PLAC1: variants seen among roughly 807,000 people sequenced by gnomAD.
The protein encoded by PLAC1 is placenta associated 1, also known as placenta-specific protein 1.
For missense variants in PLAC1, 136 were observed against 163.2 expected (o/e 0.83, Z 0.91); for synonymous variants, 68 against 62.1 (o/e 1.09, Z -0.44).
At chrX:134,568,479 G>A (rs370773614) in intron 2 of PLAC1, among the ~76,000 whole-genome samples, 27 of 112,052 alleles carry the variant, frequency 2.4e-4, no homozygotes, top group African/African-American at 8.1e-4. Context: ...TGATTGGTAC[G>A]GATTGGTCTC....
intron 2 of PLAC1, among the ~76,000 whole-genome samples, chrX:134,672,688 A>G (rs973629932): frequency 8.9e-6 from 1 of 112,741 alleles, no homozygotes; most frequent in African/African-American, 3.2e-5. Context: ...ATGTTACCCC[A>G]AAAGGGGGCT....
chrX:134,648,285 C>T (rs1208250939), intron 1 of PLAC1, among the ~76,000 whole-genome samples: 1 of 111,122 alleles, frequency 9.0e-6, no homozygotes, highest in East Asian at 2.8e-4. Context: ...GCCTGAGTGA[C>T]AAGAGGGGAC....
At chrX:134,604,869 G>C (rs1012273337) in intron 1 of PLAC1, among the ~76,000 whole-genome samples, 1 of 111,179 alleles carries the variant, frequency 9.0e-6, no homozygotes, top group Non-Finnish European at 1.9e-5. Flanking sequence ...AAAGGGTGTG[G>C]CTATCTTTCT....
chrX:134,616,403 G>A (rs928938404), intron 1 of PLAC1, among the ~76,000 whole-genome samples: 6 of 111,813 alleles, frequency 5.4e-5, no homozygotes, highest in African/African-American at 1.3e-4. Flanking sequence ...TTGGGAGGCC[G>A]AGGCAGGCAG....
At chrX:134,587,826 C>A (rs1196410669) in intron 2 of PLAC1, among the ~76,000 whole-genome samples, 1 of 112,008 alleles carries the variant, frequency 8.9e-6, no homozygotes, top group Non-Finnish European at 1.9e-5. Context: ...TAAGGTTGTT[C>A]ATAAGACCCA....
chrX:134,644,223 T>C (rs909209337), intron 1 of PLAC1, among the ~76,000 whole-genome samples: 6 of 111,304 alleles, frequency 5.4e-5, no homozygotes, highest in African/African-American at 2.0e-4. Context: ...AACAAAATTG[T>C]CAATATTTGC....
At chrX:134,620,198 C>T (rs17000666) in intron 1 of PLAC1, among the ~76,000 whole-genome samples, 16,266 of 112,190 alleles carry the variant, frequency 0.14, 2,871 homozygotes, top group African/African-American at 0.5. Flanking sequence ...TAAGTAGATA[C>T]TGGCTGACTT....
At chrX:134,656,495 C>T (rs73566663) in intron 1 of PLAC1, among the ~76,000 whole-genome samples, 1,577 of 112,055 alleles carry the variant, frequency 0.014, 28 homozygotes, top group African/African-American at 0.047. Context: ...AGCAGCACCC[C>T]CTCTCTGAAT....
chrX:134,598,761 G>C (rs1039442286), intron 2 of PLAC1, among the ~76,000 whole-genome samples: 1 of 111,584 alleles, frequency 9.0e-6, no homozygotes, highest in Non-Finnish European at 1.9e-5. Flanking sequence ...ACTGTTTGTG[G>C]GGGATGAAAT....
At chrX:134,702,379 A>C (rs1166080479) in intron 2 of PLAC1, among the ~76,000 whole-genome samples, 3 of 112,416 alleles carry the variant, frequency 2.7e-5, no homozygotes, top group African/African-American at 9.7e-5. Context: ...GATAAAGAAA[A>C]TGTGGTGCAT....
intron 1 of PLAC1, among the ~76,000 whole-genome samples, chrX:134,647,167 C>T (rs1350233244): frequency 9.0e-6 from 1 of 111,489 alleles, no homozygotes; most frequent in African/African-American, 3.3e-5. Flanking sequence ...GCCCTCTTGT[C>T]CCCCACAGCT....
intron 2 of PLAC1, among the ~76,000 whole-genome samples, chrX:134,566,984 C>A (rs1238613546): frequency 3.6e-5 from 4 of 112,276 alleles, no homozygotes; most frequent in Non-Finnish European, 7.5e-5. Context: ...ATATGTAGAA[C>A]AACAGTTTAC....
chrX:134,592,131 A>G (rs1161343206), intron 2 of PLAC1, among the ~76,000 whole-genome samples: 1 of 112,305 alleles, frequency 8.9e-6, no homozygotes, highest in East Asian at 2.8e-4. Context: ...CAAATGTTTT[A>G]TATTTTGGTC....
At chrX:134,600,840 C>G (rs1257269096) in intron 2 of PLAC1, 2 of 110,718 alleles carry the variant, frequency 1.8e-5, no homozygotes, top group Non-Finnish European at 3.8e-5. Flanking sequence ...GACTCATAAT[C>G]CCACAACGTA....
chrX:134,613,975 G>A (rs1270138033), intron 1 of PLAC1, among the ~76,000 whole-genome samples: 1 of 109,545 alleles, frequency 9.1e-6, no homozygotes, highest in Admixed American at 9.8e-5. Flanking sequence ...TTCCCAAAGC[G>A]ACCCCCCGGC....
chrX:134,591,571 GT>G (rs1190687688), intron 2 of PLAC1, among the ~76,000 whole-genome samples: 1 of 112,606 alleles, frequency 8.9e-6, no homozygotes, highest in African/African-American at 3.2e-5. Context: ...GTTGTTGCTA[GT>G]TTTTTGCTGT....
intron 1 of PLAC1, among the ~76,000 whole-genome samples, chrX:134,643,984 G>A (rs2078319178): frequency 9.1e-6 from 1 of 109,317 alleles, no homozygotes; most frequent in African/African-American, 3.3e-5. Context: ...ATTGTAGGAG[G>A]ATTAAATAGC....
intron 1 of PLAC1, among the ~76,000 whole-genome samples, chrX:134,648,761 T>A (rs1195420313): frequency 2.7e-5 from 3 of 111,046 alleles, no homozygotes; most frequent in Non-Finnish European, 5.7e-5. Flanking sequence ...ACGAAATGAA[T>A]ACAAGTGGGG....
At chrX:134,634,549 G>A (rs1478008649) in intron 1 of PLAC1, among the ~76,000 whole-genome samples, 2 of 111,576 alleles carry the variant, frequency 1.8e-5, no homozygotes, top group Non-Finnish European at 3.8e-5. Context: ...TCAGTCCTAG[G>A]GAACCAGTAA....
Sources: gnomAD v4.1 joint callset for allele counts (sites outside exome capture counted in the v4.1 genomes callset) on GRCh38, gnomAD v4.1.1 for gene constraint, MANE v1.5 for transcripts, NCBI Gene and HGNC (gene_info 2026-07-23, HGNC 2026-07-21) for gene names.